Variants in FCRLA observed in about 807,000 individuals in gnomAD.
The protein encoded by FCRLA is Fc receptor like A, also known as Fc receptor-like A.
Under a neutral mutation model 28.4 loss-of-function variants are expected in FCRLA, and 26 were observed. The ratio of observed to expected loss-of-function variants is 0.91; its 90% confidence interval spans 0.67 to 1.27. The LOEUF is 1.27. Ranked by LOEUF, FCRLA falls within the 50% of genes most tolerant of loss-of-function variation. FCRLA has a pLI of 0.00. For synonymous variants in FCRLA, 174 were observed against 168.5 expected (o/e 1.03, Z -0.25); for missense variants, 422 against 433.1 (o/e 0.97, Z 0.23).
In FCRLA at chr1:161,712,027, T is replaced by G; in HGVS notation, c.593T>G (p.Leu198Arg). The G allele has an allele frequency of 6.2e-7, 1 of 1,614,206 alleles. No homozygotes were observed. The highest frequency in any genetic ancestry group is 8.5e-7 in the Non-Finnish European group (1 of 1,180,028). Residue 198 changes from leucine (L) to arginine (R), a missense_variant, in exon 4 of 5, where the codon CTG (leucine) becomes CGG (arginine). By Grantham distance (102) the Leu-to-Arg change is moderately radical (BLOSUM62 -2). This residue lies in a region of FCRLA where 185 missense variants were observed against 198.1 expected (regional missense o/e 0.93). Transcript: ENST00000236938. ...MTLSCQTKLP[L>R]QRSAARLLFS... ...CTGAGTTGTCAGACAAAGTTGCCCC[T>G]GCAGAGGTCAGCTGCCCGCCTCCTC...
At position 161,713,697 on chromosome 1, in the gene FCRLA, C is replaced by T; in HGVS notation, c.*317C>T. On this transcript the variant is annotated 3_prime_UTR_variant, in exon 5 of 5. Coordinates refer to ENST00000236938, the MANE Select transcript of FCRLA (RefSeq NM_032738.4). Reference sequence around the variant, plus strand: ...TGAATACAGCAGTCTCAACTGGGGGCAATTTTGCCCCCCAGAGGACATTGG... The same window carrying T: ...TGAATACAGCAGTCTCAACTGGGGGTAATTTTGCCCCCCAGAGGACATTGG... 5.0e-6 allele frequency: 1 copy of T among 199,472 alleles called. No individual in the cohort carries two copies. Among genetic ancestry groups the T allele is most frequent in the Non-Finnish European group, 1.0e-5 (1 of 99,610 alleles). 12.4% of individuals were successfully genotyped at this position (199,472 alleles called of 1,614,324 possible).
rs1041013839 is a variant in FCRLA, at chr1:161,710,563, C to T, written c.80-197C>T. On this transcript the variant is annotated intron_variant, in intron 1 of 4. Coordinates refer to ENST00000236938, the MANE Select transcript of FCRLA (RefSeq NM_032738.4). ...ACCACAGTGCATTTGCTGAGAGCAC[C>T]TGGACGCCAGTGAATCAAGGTCAAA... The T allele has an allele frequency of 2.7e-6, 4 of 1,503,922 alleles. No individual in the cohort carries two copies. In the East Asian group the frequency reaches 7.4e-5, roughly 28 times the overall value. 93.2% of individuals were successfully genotyped at this position (1,503,922 alleles called of 1,614,324 possible). A position where few individuals can be genotyped will look rare whatever the true frequency, so the allele number is the denominator to read the frequency against.
chr1:161,711,748 C>T (rs1419978951), intron 3 of FCRLA, 186 bp from the exon 4 acceptor site: 2 of 825,046 alleles, frequency 2.4e-6, no homozygotes, highest in East Asian at 4.9e-5. Context: ...ATTTGCCCAT[C>T]TGTGGATCTT....
At position 161,712,041 on chromosome 1, in the gene FCRLA, G is replaced by C. The variant is rs546820153; in HGVS notation, c.607G>C (p.Ala203Pro). 7 of 1,614,074 alleles carry C rather than the reference G, an allele frequency of 4.3e-6. No homozygotes were observed. The African/African-American group carries it at 6.7e-5, about 15-fold the overall frequency. ...AAAGTTGCCCCTGCAGAGGTCAGCT[G>C]CCCGCCTCCTCTTCTCCTTCTACAA... Reference protein sequence around the residue: ...QTKLPLQRSAARLLFSFYKDG... With the variant: ...QTKLPLQRSAPRLLFSFYKDG... The change falls in exon 4 of 5, where the codon GCC becomes CCC. Residue 203 changes from alanine (A) to proline (P), a missense_variant. Coordinates refer to ENST00000236938, the MANE Select transcript of FCRLA (RefSeq NM_032738.4).
chr1:161,709,118 G>GACTTT (rs374801972), intron 1 of FCRLA, among the ~76,000 whole-genome samples: 1 of 152,006 alleles, frequency 6.6e-6, no homozygotes, highest in Non-Finnish European at 1.5e-5. Flanking sequence ...AACCCAACAA[G>GACTTT]ATTTTATTTT....
In FCRLA at chr1:161,712,114, TC is replaced by T. The variant is rs780458485; in HGVS notation, c.684del (p.Thr229GlnfsTer28). On this transcript the variant is annotated frameshift_variant, in exon 4 of 5. Coordinates refer to ENST00000236938, the MANE Select transcript of FCRLA (RefSeq NM_032738.4). LOFTEE classifies it high-confidence loss of function. ...QSRGLSSEFQ[I>X]PTASEDHSGS... ...AGGGGGCTCTCCTCAGAATTCCAGA[TC>T]CCCACAGCTTCAGAAGATCACTCCG... is the stretch of plus-strand genomic sequence containing the variant. 7 of 1,614,086 alleles carry T rather than the reference TC, an allele frequency of 4.3e-6. No individual in the cohort carries two copies. Among genetic ancestry groups the T allele is most frequent in the Middle Eastern group, 3.3e-4 (2 of 6,060 alleles).
Position 161,710,786 on chromosome 1 carries a change from G to A in FCRLA, c.106G>A (p.Glu36Lys), listed in dbSNP as rs779633030. The A allele has an allele frequency of 1.9e-6, 3 of 1,614,158 alleles. No homozygotes were observed. The highest frequency in any genetic ancestry group is 2.5e-6 in the Non-Finnish European group (3 of 1,180,034). ...LAASFETLQC[E>K]GPVCTEESSC... ...TGCCAGTTTTGAGACGCTGCAGTGT[G>A]AGGGACCTGTCTGCACTGAGGAGAG... The change falls in exon 2 of 5, where the codon GAG becomes AAG. Residue 36 changes from glutamate to lysine, a missense_variant. Physicochemically the swap from Glu to Lys is moderately conservative, Grantham distance 56. Transcript: ENST00000236938.
rs1291580807 is a variant in FCRLA at position 161,713,175 on chromosome 1, C to T, written c.875C>T (p.Pro292Leu). Residue 292 changes from proline (P) to leucine (L), a missense_variant, in exon 5 of 5, where the codon CCT (proline) becomes CTT (leucine). Pro to Leu is a moderately conservative substitution (Grantham distance 98). This residue lies in a region of FCRLA where 185 missense variants were observed against 198.1 expected (regional missense o/e 0.93). Transcript: ENST00000236938. The stretch of plus-strand genomic sequence containing the variant: ...ACTGCTCCTGAGGAGGCCCCTGGGC[C>T]TCTGCCTCCGCCGCCAACCCCATCT... ...PGTAPEEAPG[P>L]LPPPPTPSSE... 6.2e-7 allele frequency: 1 copy of T among 1,614,230 alleles called. No individual in the cohort carries two copies.
At chr1:161,708,117 C>T (rs186304056) in intron 1 of FCRLA, among the ~76,000 whole-genome samples, 97 of 152,308 alleles carry the variant, frequency 6.4e-4, no homozygotes, top group Admixed American at 1.6e-3. Flanking sequence ...ACCTACATAT[C>T]TCACAAGTGT....
intron 1 of FCRLA, among the ~76,000 whole-genome samples, chr1:161,709,246 G>A (rs182358424): frequency 1.2e-3 from 188 of 152,206 alleles, no homozygotes; most frequent in African/African-American, 4.4e-3. Flanking sequence ...TCCTATCTCA[G>A]CCTCCCAAGT....
At position 161,713,068 on chromosome 1, in the gene FCRLA, C is replaced by T. The variant is rs1683183654; in HGVS notation, c.785-17C>T. 1 of 1,604,670 alleles carries T rather than the reference C, an allele frequency of 6.2e-7. No individual in the cohort carries two copies. The highest frequency in any genetic ancestry group is 2.2e-5 in the East Asian group (1 of 44,782). ...TCAGACTTCACTCTTGTATGTGCCT[C>T]CTGCCCCATAATTCAGGTGCTTCCA... On this transcript the variant is annotated splice_polypyrimidine_tract_variant and intron_variant, in intron 4 of 4. Coordinates refer to ENST00000236938, the MANE Select transcript of FCRLA (RefSeq NM_032738.4).
chr1:161,712,336 G>A, intron 4 of FCRLA, 118 bp downstream of exon 4: 1 of 1,195,840 alleles, frequency 8.4e-7, no homozygotes. Flanking sequence ...AAGGGACACA[G>A]AGGGGGCAGG....
At chr1:161,707,646 T>C (rs1328150744) in intron 1 of FCRLA, among the ~76,000 whole-genome samples, 2 of 152,214 alleles carry the variant, frequency 1.3e-5, no homozygotes, top group Non-Finnish European at 2.9e-5. Context: ...CTATCTCCAC[T>C]TCCTCACTTC....
At chr1:161,712,776 T>G (rs1262388385) in intron 4 of FCRLA, among the ~76,000 whole-genome samples, 2 of 152,180 alleles carry the variant, frequency 1.3e-5, no homozygotes, top group African/African-American at 4.8e-5. Flanking sequence ...TCTTATATAA[T>G]AAAGAGGCTG....
In FCRLA at chr1:161,713,195, C is replaced by T; in HGVS notation, c.895C>T (p.Pro299Ser). The change falls in exon 5 of 5, where the codon CCA becomes TCA. Residue 299 changes from proline to serine, a missense_variant. Physicochemically the swap from Pro to Ser is moderately conservative, Grantham distance 74. Transcript: ENST00000236938. ...TGGGCCTCTGCCTCCGCCGCCAACC[C>T]CATCTTCTGAGGATCCAGGCTTTTC... ...APGPLPPPPTPSSEDPGFSSP... is the reference protein window; with the variant it reads ...APGPLPPPPTSSSEDPGFSSP... 6.2e-7 allele frequency: 1 copy of T among 1,614,214 alleles called. No individual in the cohort carries two copies. The highest frequency in any genetic ancestry group is 8.5e-7 in the Non-Finnish European group (1 of 1,180,026).
chr1:161,710,988 C>T (rs1051976415), intron 2 of FCRLA, 76 bp downstream of exon 2: 1 of 1,582,324 alleles, frequency 6.3e-7, no homozygotes, highest in East Asian at 2.2e-5. Flanking sequence ...GAAAGTGTCC[C>T]TAGGAAATTG....
In FCRLA at chr1:161,713,277, A is replaced by T. The variant is rs758996102; in HGVS notation, c.977A>T (p.Lys326Ile). The change falls in exon 5 of 5, where the codon AAA becomes ATA. Residue 326 changes from lysine to isoleucine, a missense_variant. Lys to Ile is a moderately radical substitution (Grantham distance 102, BLOSUM62 -3). Transcript: ENST00000236938. ...HLYHQMGLLLKHMQDVRVLLG... is the reference protein window; with the variant it reads ...HLYHQMGLLLIHMQDVRVLLG... ...TATCACCAGATGGGCCTTCTTCTCA[A>T]ACACATGCAGGATGTGAGAGTCCTC... is the stretch of plus-strand genomic sequence containing the variant. 6.2e-7 allele frequency: 1 copy of T among 1,614,204 alleles called. No individual in the cohort carries two copies. The highest frequency in any genetic ancestry group is 8.5e-7 in the Non-Finnish European group (1 of 1,180,028).
chr1:161,708,529 T>G (rs139854668), intron 1 of FCRLA, among the ~76,000 whole-genome samples: 1 of 152,236 alleles, frequency 6.6e-6, no homozygotes, highest in Non-Finnish European at 1.5e-5. Context: ...TTCTTTATCA[T>G]GGCACAAAAG....
intron 1 of FCRLA, 64 bp from the exon 2 acceptor site, chr1:161,710,696 C>T (rs544406885): frequency 6.3e-7 from 1 of 1,594,000 alleles, no homozygotes; most frequent in Non-Finnish European, 8.6e-7. Flanking sequence ...ATGGAGGAAC[C>T]CTGTCCTCTT....
Sources: allele counts gnomAD v4.1 joint callset (sites outside exome capture counted in the v4.1 genomes callset), GRCh38; gene constraint gnomAD v4.1.1; regional missense constraint gnomAD v4.1.1; transcripts MANE v1.5; gene names NCBI Gene and HGNC (gene_info 2026-07-23, HGNC 2026-07-21).